IGLL5: variants seen among roughly 807,000 people sequenced by gnomAD.
The protein encoded by IGLL5 is immunoglobulin lambda-like polypeptide 5.
A neutral mutation model predicts 20.9 loss-of-function variants in IGLL5; 30 were observed. The ratio of observed to expected loss-of-function variants is 1.44; its 90% CI spans 1.07 to 1.95. The LOEUF is 1.95. IGLL5 is among the 30% of genes most tolerant of loss of function. IGLL5 has a pLI of 0.00. For missense variants in IGLL5, 475 were observed against 270.7 expected, an observed-to-expected ratio of 1.75 and a Z score of -5.30; for synonymous variants, 203 against 117.3, an observed-to-expected ratio of 1.73 and a Z score of -4.72.
chr22:22,889,099 T>G (rs1423965590), intron 1 of IGLL5, among the ~76,000 whole-genome samples: 1 of 151,118 alleles, frequency 6.6e-6, no homozygotes, highest in African/African-American at 2.4e-5. Flanking sequence ...AGAGTCAGAT[T>G]TGTGTTTTTG....
chr22:22,895,345 CCT>C (rs1395012038), intron 2 of IGLL5, 28 bp from the exon 3 acceptor site: 1 of 1,594,024 alleles, frequency 6.3e-7, no homozygotes, highest in Admixed American at 1.7e-5. Context: ...TTCTGTCTGC[CCT>C]CTCTCACCCC....
At chr22:22,894,227 A>G (rs532098136) in intron 2 of IGLL5, among the ~76,000 whole-genome samples, 3 of 151,248 alleles carry the variant, frequency 2.0e-5, no homozygotes, top group East Asian at 2.0e-4. Flanking sequence ...CTAGGGGAGC[A>G]GCCCCAAGAA....
chr22:22,894,094 T>A (rs1376137495), intron 2 of IGLL5, among the ~76,000 whole-genome samples: 1 of 151,124 alleles, frequency 6.6e-6, no homozygotes, highest in African/African-American at 2.4e-5. Flanking sequence ...GATGTCTGAG[T>A]GAGGGACAGA....
chr22:22,894,348 G>A (rs541455798), intron 2 of IGLL5, among the ~76,000 whole-genome samples: 14 of 151,374 alleles, frequency 9.2e-5, no homozygotes, highest in Admixed American at 2.6e-4. Context: ...CACAGAGAGG[G>A]CTCTGGGTCT....
chr22:22,892,762 T>C (rs1226971264), intron 1 of IGLL5, among the ~76,000 whole-genome samples: 1 of 150,940 alleles, frequency 6.6e-6, no homozygotes, highest in Non-Finnish European at 1.5e-5. Context: ...GTTGTGAGTG[T>C]GCACAATGAG....
At chr22:22,894,743 C>A (rs2066691777) in intron 2 of IGLL5, among the ~76,000 whole-genome samples, 1 of 151,188 alleles carries the variant, frequency 6.6e-6, no homozygotes, top group African/African-American at 2.4e-5. Context: ...GTGAAGGGTT[C>A]TGTGGTCGGG....
intron 1 of IGLL5, among the ~76,000 whole-genome samples, chr22:22,889,825 A>G (rs2067756350): frequency 1.3e-5 from 2 of 151,370 alleles, no homozygotes; most frequent in East Asian, 2.0e-4. Context: ...TCAAATTCCT[A>G]AGCTCAAGCA....
In IGLL5 at chr22:22,893,984, G is replaced by A. The variant is rs189096074; in HGVS notation, c.325+166G>A. 1.2e-4 allele frequency among the ~76,000 whole-genome samples: 18 copies of A among 151,386 alleles called. 1 individual carries two copies. The highest frequency in any genetic ancestry group is 7.5e-3 in the Middle Eastern group (2 of 268). ...AGGTGCATTAGTCTCCGGGTAACCG[G>A]CAGGAAGGGCCTCCACAGTGGGAGC... On this transcript the variant is annotated intron_variant, in intron 2 of 2. Coordinates refer to ENST00000526893, the MANE Select transcript of IGLL5 (RefSeq NM_001178126.2).
At chr22:22,895,041 A>T (rs2066718798) in intron 2 of IGLL5, among the ~76,000 whole-genome samples, 1 of 151,474 alleles carries the variant, frequency 6.6e-6, no homozygotes, top group Admixed American at 6.6e-5. Flanking sequence ...TGAGGGATCC[A>T]GGGGTCAAGG....
At chr22:22,894,624 A>G (rs1171001515) in intron 2 of IGLL5, among the ~76,000 whole-genome samples, 3 of 150,936 alleles carry the variant, frequency 2.0e-5, no homozygotes, top group South Asian at 2.1e-4. Flanking sequence ...AGGGGTGCAG[A>G]GAACTCCATG....
rs1170404120 is a variant in IGLL5 at position 22,893,712 on chromosome 22, G to A, written c.219G>A (p.Gln73=). The change falls in exon 2 of 3, where the codon CAG becomes CAA. Residue 73 remains glutamine (Q), a synonymous_variant. Coordinates refer to ENST00000526893, the MANE Select transcript of IGLL5 (RefSeq NM_001178126.2). ...LRSLWGRLLL[Q]PSPQRADPRC... is the part of the protein sequence containing the mutation. ...TCATGCCCAGCAGGCTCCTGCTCCA[G>A]CCCAGCCCCCAGAGAGCAGACCCCA... 1 of 1,606,088 alleles carries A rather than the reference G, an allele frequency of 6.2e-7. No individual in the cohort carries two copies. The highest frequency in any genetic ancestry group is 8.5e-7 in the Non-Finnish European group (1 of 1,176,204).
intron 2 of IGLL5, among the ~76,000 whole-genome samples, chr22:22,894,339 ACAGAGAGGGCTCTGGGTCTAGGCTGCAG>A: frequency 6.6e-6 from 1 of 151,442 alleles, no homozygotes; most frequent in Admixed American, 6.6e-5. Flanking sequence ...AATGGAGGGC[ACAGAGAGGGCTCTGGGTCTAGGCTGCAG>A]CTCTGTGGCC....
Position 22,893,732 on chromosome 22 carries a change from A to G in IGLL5, c.239A>G (p.Asp80Gly). 1 of 1,609,428 alleles carries G rather than the reference A, an allele frequency of 6.2e-7. No homozygotes were observed. The change falls in exon 2 of 3, where the codon GAC becomes GGC. Residue 80 changes from aspartate to glycine, a missense_variant. Transcript: ENST00000526893. ...LLLQPSPQRA[D>G]PRCWPRGFWS... is the part of the protein sequence containing the mutation. ...CTCCAGCCCAGCCCCCAGAGAGCAG[A>G]CCCCAGGTGCTGGCCCCGGGGGTTT...
In IGLL5 at chr22:22,887,918, C is replaced by G. The variant is rs775167055; in HGVS notation, c.-136C>G. On this transcript the variant is annotated 5_prime_UTR_variant, in exon 1 of 3. Coordinates refer to ENST00000526893, the MANE Select transcript of IGLL5 (RefSeq NM_001178126.2). ...CCTGGGCTAGGGACAGGGACCAGAG[C>G]CAGTCCAGGGAGAGGACAGAGCCAA... 2 of 755,508 alleles carry G rather than the reference C, an allele frequency of 2.6e-6. No homozygotes were observed. The highest frequency in any genetic ancestry group is 2.3e-6 in the Non-Finnish European group (1 of 430,076). The allele number at this position is 755,508 out of a possible 1,614,324, so 46.8% of individuals were successfully genotyped here.
At chr22:22,893,970 T>A (rs2067958754) in intron 2 of IGLL5, among the ~76,000 whole-genome samples, 152 bp downstream of exon 2, 1 of 151,374 alleles carries the variant, frequency 6.6e-6, no homozygotes, top group Admixed American at 6.6e-5. Flanking sequence ...GGTGCATTAG[T>A]CTCCGGGTAA....
rs375864906 is a variant in IGLL5, at chr22:22,893,847, G to A, written c.325+29G>A. The A allele has an allele frequency of 2.2e-4, 307 of 1,414,140 alleles. 4 individuals are homozygous for A. In the South Asian group the frequency reaches 2.8e-3, roughly 13 times the overall value. 87.6% of individuals were successfully genotyped at this position (1,414,140 alleles called of 1,614,324 possible). A position where few individuals can be genotyped will look rare whatever the true frequency, so the allele number is the denominator to read the frequency against. ...AGTGGCTCTCAACCTTTCCCAGCCT[G>A]TCTCACCCTCTGCTGTCCCTGGAAA... On this transcript the variant is annotated intron_variant, in intron 2 of 2. Transcript: ENST00000526893.
At chr22:22,888,595 G>T (rs2067620300) in intron 1 of IGLL5, among the ~76,000 whole-genome samples, 1 of 151,286 alleles carries the variant, frequency 6.6e-6, no homozygotes, top group African/African-American at 2.4e-5. Flanking sequence ...GGGGGTGGTG[G>T]CCACTGTCCC....
intron 2 of IGLL5, among the ~76,000 whole-genome samples, chr22:22,894,237 A>G (rs1601624833): frequency 2.0e-5 from 3 of 151,044 alleles, no homozygotes; most frequent in South Asian, 2.1e-4. Flanking sequence ...AGCCCCAAGA[A>G]CAGCTGAGGG....
chr22:22,888,474 A>T (rs566307612), intron 1 of IGLL5, among the ~76,000 whole-genome samples: 2 of 151,310 alleles, frequency 1.3e-5, no homozygotes, highest in African/African-American at 2.4e-5. Flanking sequence ...ATTTTTCTTG[A>T]TTTCTGAGTT....
Sources: gnomAD v4.1 joint callset for allele counts (sites outside exome capture counted in the v4.1 genomes callset) on GRCh38, gnomAD v4.1.1 for gene constraint, MANE v1.5 for transcripts, NCBI Gene and HGNC (gene_info 2026-07-23, HGNC 2026-07-21) for gene names.